The following TAFA1 variants were observed in gnomAD, a reference collection of about 807,000 sequenced individuals.
The protein encoded by TAFA1 is TAFA chemokine like family member 1, also known as chemokine-like protein TAFA-1.
TAFA1 carries 4 observed loss-of-function variants against 18.5 expected under a neutral mutation model. The observed-to-expected ratio is 0.22, with a 90% CI of 0.11 to 0.49. The LOEUF (loss-of-function observed/expected upper bound fraction) is 0.49, where lower values mean the gene tolerates loss of function less well. Among genes scored for constraint, TAFA1 ranks in the 20% least tolerant of loss-of-function variants. The pLI, the probability that TAFA1 is intolerant of heterozygous loss-of-function variation, is 0.98. For synonymous variants in TAFA1, 56 were observed against 55.2 expected, an observed-to-expected ratio of 1.01 and a Z score of -0.06; for missense variants, 147 against 169.0, an observed-to-expected ratio of 0.87 and a Z score of 0.72.
intron 3 of TAFA1, among the ~76,000 whole-genome samples, chr3:68,423,950 C>T (rs1442418130): frequency 6.6e-6 from 1 of 151,986 alleles, no homozygotes. Context: ...TAGCAACCTT[C>T]ACCTGGTGTT....
At chr3:68,507,627 A>C (rs1030675149) in intron 3 of TAFA1, among the ~76,000 whole-genome samples, 2 of 152,100 alleles carry the variant, frequency 1.3e-5, no homozygotes, top group African/African-American at 4.8e-5. Context: ...TTATATTTTC[A>C]ATAAGACTTG....
chr3:68,320,623 C>T (rs1487208796), intron 2 of TAFA1, among the ~76,000 whole-genome samples: 1 of 152,204 alleles, frequency 6.6e-6, no homozygotes, highest in Non-Finnish European at 1.5e-5. Context: ...TGGGCTCTCC[C>T]TGTGACCCAG....
chr3:68,203,574 T>C, intron 2 of TAFA1, among the ~76,000 whole-genome samples: 1 of 151,664 alleles, frequency 6.6e-6, no homozygotes. Flanking sequence ...GTCCTATGAT[T>C]GGGTTTCAGG....
chr3:68,400,696 A>G (rs911709801), intron 2 of TAFA1, among the ~76,000 whole-genome samples: 2 of 152,214 alleles, frequency 1.3e-5, no homozygotes, highest in Non-Finnish European at 2.9e-5. Context: ...GTTATTGGTA[A>G]TGACTCAACT....
chr3:68,143,493 C>T (rs1042236847), intron 2 of TAFA1, among the ~76,000 whole-genome samples: 8 of 152,136 alleles, frequency 5.3e-5, no homozygotes, highest in Non-Finnish European at 1.2e-4. Flanking sequence ...TAAAATTTAT[C>T]AACTTCAGCA....
At chr3:68,120,580 G>A (rs962476332) in intron 2 of TAFA1, among the ~76,000 whole-genome samples, 7 of 152,134 alleles carry the variant, frequency 4.6e-5, no homozygotes, top group African/African-American at 1.7e-4. Flanking sequence ...ATCTCTTGCT[G>A]TAGTGAGAGG....
At chr3:68,353,676 G>A (rs1329309474) in intron 2 of TAFA1, among the ~76,000 whole-genome samples, 1 of 152,018 alleles carries the variant, frequency 6.6e-6, no homozygotes, top group African/African-American at 2.4e-5. Flanking sequence ...AATCGAGCCT[G>A]AGGCAGACAG....
chr3:68,536,487 T>C (rs941074589), intron 3 of TAFA1, among the ~76,000 whole-genome samples: 3 of 152,122 alleles, frequency 2.0e-5, no homozygotes, highest in African/African-American at 7.2e-5. Context: ...TCTCGTCCCG[T>C]GTAAAAACAG....
chr3:68,011,437 C>T (rs1359459858), intron 2 of TAFA1, among the ~76,000 whole-genome samples: 1 of 151,944 alleles, frequency 6.6e-6, no homozygotes, highest in African/African-American at 2.4e-5. Context: ...TTCATTTTTG[C>T]CTTGATTATT....
At chr3:68,285,068 A>G in intron 2 of TAFA1, among the ~76,000 whole-genome samples, 1 of 152,180 alleles carries the variant, frequency 6.6e-6, no homozygotes, top group East Asian at 1.9e-4. Flanking sequence ...AGCCTGGGTG[A>G]TAGAGCCAGA....
intron 2 of TAFA1, among the ~76,000 whole-genome samples, chr3:68,367,099 G>A (rs1040275431): frequency 6.6e-6 from 1 of 152,166 alleles, no homozygotes; most frequent in Non-Finnish European, 1.5e-5. Flanking sequence ...GTGGTTGTGA[G>A]AATGTAGTAG....
At chr3:68,362,102 T>A (rs889947323) in intron 2 of TAFA1, among the ~76,000 whole-genome samples, 1 of 152,158 alleles carries the variant, frequency 6.6e-6, no homozygotes, top group Admixed American at 6.6e-5. Flanking sequence ...GTTTTGTTGG[T>A]ATGGAGTTTA....
chr3:68,234,128 G>T (rs2066901535), intron 2 of TAFA1, among the ~76,000 whole-genome samples: 1 of 152,174 alleles, frequency 6.6e-6, no homozygotes, highest in Non-Finnish European at 1.5e-5. Flanking sequence ...TGATATTTCT[G>T]TGGGTTATCA....
chr3:68,268,053 GA>G (rs1428362160), intron 2 of TAFA1, among the ~76,000 whole-genome samples: 7 of 152,118 alleles, frequency 4.6e-5, no homozygotes, highest in Non-Finnish European at 1.0e-4. Flanking sequence ...TCTTTGTGTT[GA>G]AAAATTTCTG....
At chr3:68,516,449 A>G (rs1213728520) in intron 3 of TAFA1, among the ~76,000 whole-genome samples, 2 of 152,202 alleles carry the variant, frequency 1.3e-5, no homozygotes, top group East Asian at 1.9e-4. Flanking sequence ...GTGAATGCCA[A>G]CTGAAAAAAT....
chr3:68,043,593 G>T (rs1021891343), intron 2 of TAFA1, among the ~76,000 whole-genome samples: 1 of 152,126 alleles, frequency 6.6e-6, no homozygotes, highest in South Asian at 2.1e-4. Context: ...TTTTTCTCTG[G>T]CATCTAAAAG....
At chr3:68,037,824 T>A (rs1055799690) in intron 2 of TAFA1, among the ~76,000 whole-genome samples, 3 of 152,170 alleles carry the variant, frequency 2.0e-5, no homozygotes, top group Non-Finnish European at 4.4e-5. Flanking sequence ...TTTTAAAGCA[T>A]CTTTTGGCCA....
rs114444225 is a variant in TAFA1, at chr3:68,114,272, C to T, written c.118+107528C>T. ...GTGAGGCCGTCCTAGACCATCCAGC[C>T]CCCATTCAGCCTGTATATGCCCCAC... On this transcript the variant is annotated intron_variant, in intron 2 of 4. Coordinates refer to ENST00000478136, the MANE Select transcript of TAFA1 (RefSeq NM_213609.4). 3.0e-3 allele frequency among the ~76,000 whole-genome samples: 462 copies of T among 152,170 alleles called. 2 individuals are homozygous for T. Among genetic ancestry groups the T allele is most frequent in the African/African-American group, 9.9e-3 (412 of 41,498 alleles).
intron 2 of TAFA1, among the ~76,000 whole-genome samples, chr3:68,260,561 C>A (rs1371306419): frequency 6.6e-6 from 1 of 151,910 alleles, no homozygotes; most frequent in East Asian, 1.9e-4. Context: ...GGTACTGGTA[C>A]CAAAACAGAG....
Sources: allele counts gnomAD v4.1 joint callset (sites outside exome capture counted in the v4.1 genomes callset), GRCh38; gene constraint gnomAD v4.1.1; transcripts MANE v1.5; gene names NCBI Gene and HGNC (gene_info 2026-07-23, HGNC 2026-07-21).